Variants in KIAA1549L observed in about 807,000 individuals in gnomAD.
The protein encoded by KIAA1549L is KIAA1549 like.
In KIAA1549L, 88 loss-of-function variants were observed where a neutral mutation model predicts 160.7. The observed-to-expected ratio is 0.55, with a 90% CI of 0.46 to 0.65. KIAA1549L has a LOEUF of 0.65. Among genes scored for constraint, KIAA1549L ranks in the 30% least tolerant of loss-of-function variants. The pLI, the probability that KIAA1549L is intolerant of heterozygous loss-of-function variation, is 0.00. For missense variants in KIAA1549L, 2,258 were observed against 2,437.5 expected (o/e 0.93, Z 1.55); for synonymous variants, 950 against 976.7 (o/e 0.97, Z 0.51).
At chr11:33,610,250 A>G (rs922548391) in intron 15 of KIAA1549L, among the ~76,000 whole-genome samples, 1 of 152,180 alleles carries the variant, frequency 6.6e-6, no homozygotes, top group Admixed American at 6.5e-5. Context: ...CTGAATGAAG[A>G]TTATAATTAT....
chr11:33,636,592 A>G (rs1216967037), intron 16 of KIAA1549L, among the ~76,000 whole-genome samples: 1 of 152,122 alleles, frequency 6.6e-6, no homozygotes, highest in Non-Finnish European at 1.5e-5. Context: ...CGACCTCCCA[A>G]AGTTCTGGGA....
intron 11 of KIAA1549L, among the ~76,000 whole-genome samples, chr11:33,584,986 TTGA>T (rs1407209401): frequency 6.6e-6 from 1 of 152,222 alleles, no homozygotes; most frequent in African/African-American, 2.4e-5. Flanking sequence ...TAGTTCTTTC[TTGA>T]TGATCACACC....
chr11:33,617,789 G>GTGGATGGATGGATGGA (rs200551250), intron 15 of KIAA1549L, among the ~76,000 whole-genome samples: 312 of 149,036 alleles, frequency 2.1e-3, no homozygotes, highest in African/African-American at 6.8e-3. Context: ...GGAAGCCTCG[G>GTGGATGGATGGATGGA]TGGATGGATG....
At chr11:33,408,781 CAAAAAAAAA>C (rs71034683) in intron 1 of KIAA1549L, among the ~76,000 whole-genome samples, 1 of 115,316 alleles carries the variant, frequency 8.7e-6, no homozygotes, top group Non-Finnish European at 1.7e-5. Context: ...ACTAAAAATA[CAAAAAAAAA>C]AAAAAAAAAA....
chr11:33,503,203 T>G (rs1320805119), intron 1 of KIAA1549L, among the ~76,000 whole-genome samples: 1 of 152,234 alleles, frequency 6.6e-6, no homozygotes, highest in African/African-American at 2.4e-5. Context: ...TCCTCTTTTT[T>G]GTCTGGCTTC....
intron 16 of KIAA1549L, among the ~76,000 whole-genome samples, chr11:33,638,972 CT>C (rs1407063535): frequency 2.0e-5 from 3 of 152,018 alleles, no homozygotes; most frequent in Non-Finnish European, 4.4e-5. Flanking sequence ...AGTTGCTTGT[CT>C]TTTTGTTATT....
intron 4 of KIAA1549L, among the ~76,000 whole-genome samples, chr11:33,548,259 C>T (rs900384858): frequency 6.6e-5 from 10 of 151,954 alleles, no homozygotes; most frequent in Non-Finnish European, 1.3e-4. Context: ...ATTAGCTGGG[C>T]GTGGTGGCAG....
At chr11:33,397,168 T>TA (rs947789512) in intron 1 of KIAA1549L, among the ~76,000 whole-genome samples, 5 of 144,872 alleles carry the variant, frequency 3.5e-5, no homozygotes, top group African/African-American at 1.0e-4. Context: ...CCGTCTCTAC[T>TA]AAAAAAAATA....
intron 1 of KIAA1549L, among the ~76,000 whole-genome samples, chr11:33,484,792 AG>A (rs1852487482): frequency 6.6e-6 from 1 of 152,066 alleles, no homozygotes; most frequent in African/African-American, 2.4e-5. Flanking sequence ...AGAATTTATA[AG>A]TTTATTGTAG....
chr11:33,430,657 T>G (rs1303352476), intron 1 of KIAA1549L, among the ~76,000 whole-genome samples: 1 of 152,218 alleles, frequency 6.6e-6, no homozygotes, highest in Admixed American at 6.5e-5. Context: ...TTTGTCTTGG[T>G]TCCCTAATGG....
chr11:33,413,989 C>T (rs116990972), intron 1 of KIAA1549L, among the ~76,000 whole-genome samples: 1,556 of 152,282 alleles, frequency 0.01, 16 homozygotes, highest in Non-Finnish European at 0.013. Flanking sequence ...GAATTGGAAT[C>T]TCCAGGACCT....
chr11:33,390,966 A>G (rs1362516021), intron 1 of KIAA1549L, among the ~76,000 whole-genome samples: 1 of 152,206 alleles, frequency 6.6e-6, no homozygotes, highest in Non-Finnish European at 1.5e-5. Flanking sequence ...AAGCTTCCAC[A>G]GTAGGTGCAC....
At position 33,617,787 on chromosome 11, in the gene KIAA1549L, CGGTG is replaced by C. The variant is rs1209817769; in HGVS notation, c.5280-744_5280-741del. Reference sequence around the variant, plus strand: ...GGCATTCGGTAAATGATGGAAGCCTCGGTGGATGGATGGATGGATGGATGGATGG... The same window carrying C: ...GGCATTCGGTAAATGATGGAAGCCTCGATGGATGGATGGATGGATGGATGG... On this transcript the variant is annotated intron_variant, in intron 15 of 20. Transcript: ENST00000658780. Among the ~76,000 whole-genome samples, 148 of 116,932 alleles carry C rather than the reference CGGTG, an allele frequency of 1.3e-3. 1 individual carries two copies. The highest frequency in any genetic ancestry group is 5.4e-3 in the African/African-American group (147 of 27,396). 76.7% of individuals were successfully genotyped at this position (116,932 alleles called of 152,430 possible).
chr11:33,630,340 T>A (rs2133374051), intron 16 of KIAA1549L, among the ~76,000 whole-genome samples: 1 of 152,392 alleles, frequency 6.6e-6, no homozygotes, highest in South Asian at 2.1e-4. Context: ...TTTGTTTACC[T>A]AAGCAAGCCT....
chr11:33,447,693 C>T (rs1590252229), intron 1 of KIAA1549L, among the ~76,000 whole-genome samples: 1 of 151,714 alleles, frequency 6.6e-6, no homozygotes, highest in East Asian at 1.9e-4. Context: ...GCATTAATTA[C>T]TACCTGGCAT....
At chr11:33,617,922 G>T (rs1278164060) in intron 15 of KIAA1549L, among the ~76,000 whole-genome samples, 1 of 152,088 alleles carries the variant, frequency 6.6e-6, no homozygotes, top group Non-Finnish European at 1.5e-5. Context: ...TGGACGGATG[G>T]ATGGATGGAT....
chr11:33,547,919 T>C (rs1378652807), intron 4 of KIAA1549L, 40 bp downstream of exon 4: 1 of 1,308,786 alleles, frequency 7.6e-7, no homozygotes, highest in Non-Finnish European at 1.1e-6. Context: ...TCCATCACAG[T>C]CTGGCTCTTG....
chr11:33,563,521 C>T (rs1007502298), intron 8 of KIAA1549L, among the ~76,000 whole-genome samples: 1 of 152,142 alleles, frequency 6.6e-6, no homozygotes, highest in Non-Finnish European at 1.5e-5. Flanking sequence ...AAGCAAGCAG[C>T]AGATGGGCTG....
intron 16 of KIAA1549L, among the ~76,000 whole-genome samples, chr11:33,625,422 T>C (rs1851077864): frequency 6.6e-6 from 1 of 152,182 alleles, no homozygotes; most frequent in South Asian, 2.1e-4. Context: ...CAGCACCTGT[T>C]GTTTCCTGAC....
Sources: gnomAD v4.1 joint callset for allele counts (sites outside exome capture counted in the v4.1 genomes callset) on GRCh38, gnomAD v4.1.1 for gene constraint, MANE v1.5 for transcripts, NCBI Gene and HGNC (gene_info 2026-07-23, HGNC 2026-07-21) for gene names.